WWOX: variants seen among roughly 807,000 people sequenced by gnomAD.
The protein encoded by WWOX is WW domain-containing oxidoreductase.
Under a neutral mutation model 46.2 loss-of-function variants are expected in WWOX, and 69 were observed. The observed-to-expected ratio is 1.49, with a 90% CI of 1.23 to 1.82. WWOX has a LOEUF of 1.82. Among genes scored for constraint, WWOX ranks in the 40% most tolerant of loss-of-function variants. The pLI is 0.00. For synonymous variants in WWOX, 359 were observed against 202.6 expected (o/e 1.77, Z -6.56); for missense variants, 919 against 542.6 (o/e 1.69, Z -6.89).
At chr16:78,910,501 C>A (rs1446011277) in intron 8 of WWOX, among the ~76,000 whole-genome samples, 2 of 79,024 alleles carry the variant, frequency 2.5e-5, no homozygotes, top group East Asian at 4.0e-4. Flanking sequence ...GTATCAGGAT[C>A]TTTTGTTTTT....
At chr16:78,428,873 C>G (rs931488301) in intron 7 of WWOX, among the ~76,000 whole-genome samples, 1 of 152,154 alleles carries the variant, frequency 6.6e-6, no homozygotes, top group South Asian at 2.1e-4. Context: ...AAGCCCTAAA[C>G]ATGAGGAAAT....
intron 8 of WWOX, among the ~76,000 whole-genome samples, chr16:78,702,124 T>TATATATATATATATATATATATATATA (rs777394763): frequency 9.5e-6 from 1 of 105,526 alleles, no homozygotes; most frequent in African/African-American, 4.9e-5. Flanking sequence ...ATATATATAT[T>TATATATATATATATATATATATATATA]TATTTATTTT....
intron 8 of WWOX, among the ~76,000 whole-genome samples, chr16:78,652,394 G>C (rs1024860693): frequency 1.4e-5 from 2 of 140,312 alleles, no homozygotes; most frequent in African/African-American, 5.6e-5. Flanking sequence ...GGGTGACAGA[G>C]CGAGACTCCG....
chr16:78,451,804 A>G (rs1323563826), intron 8 of WWOX, among the ~76,000 whole-genome samples: 2 of 152,216 alleles, frequency 1.3e-5, no homozygotes, highest in Admixed American at 1.3e-4. Flanking sequence ...TGATTATCTG[A>G]TCCCCAAACA....
At chr16:79,098,864 A>G (rs528780603) in intron 8 of WWOX, among the ~76,000 whole-genome samples, 5 of 152,194 alleles carry the variant, frequency 3.3e-5, no homozygotes, top group African/African-American at 1.2e-4. Context: ...TAAAATTTCT[A>G]CTTCTGATAG....
chr16:78,276,958 T>A (rs965434833), intron 5 of WWOX, among the ~76,000 whole-genome samples: 3 of 152,202 alleles, frequency 2.0e-5, no homozygotes, highest in Non-Finnish European at 2.9e-5. Flanking sequence ...TTTTATAACA[T>A]TACATATTCA....
At chr16:78,345,317 G>C (rs1251681432) in intron 5 of WWOX, among the ~76,000 whole-genome samples, 2 of 113,324 alleles carry the variant, frequency 1.8e-5, no homozygotes, top group Non-Finnish European at 4.2e-5. Flanking sequence ...TTGTACCAAC[G>C]TAATAGAATT....
chr16:78,841,129 C>T (rs564116948), intron 8 of WWOX, among the ~76,000 whole-genome samples: 2 of 152,290 alleles, frequency 1.3e-5, no homozygotes, highest in South Asian at 4.1e-4. Context: ...GATCTGACCC[C>T]AGAATTCCCT....
At chr16:78,581,329 G>T (rs914609390) in intron 8 of WWOX, among the ~76,000 whole-genome samples, 6 of 152,144 alleles carry the variant, frequency 3.9e-5, no homozygotes, top group Non-Finnish European at 7.3e-5. Flanking sequence ...GAGAAAATGG[G>T]TTAGCATAAT....
At chr16:78,791,512 T>C (rs2050599587) in intron 8 of WWOX, among the ~76,000 whole-genome samples, 1 of 152,162 alleles carries the variant, frequency 6.6e-6, no homozygotes, top group African/African-American at 2.4e-5. Flanking sequence ...GCCTTTCTCT[T>C]GTGTTCCCCA....
At chr16:78,922,003 C>T (rs943394939) in intron 8 of WWOX, among the ~76,000 whole-genome samples, 1 of 152,208 alleles carries the variant, frequency 6.6e-6, no homozygotes, top group Non-Finnish European at 1.5e-5. Context: ...TTCTATTGTC[C>T]TCTACCCATG....
chr16:78,314,241 C>T (rs2080307735), intron 5 of WWOX, among the ~76,000 whole-genome samples: 2 of 151,540 alleles, frequency 1.3e-5, no homozygotes, highest in Admixed American at 6.6e-5. Flanking sequence ...CCCGTCTCTA[C>T]TAAAAATACA....
At chr16:78,655,222 C>A (rs541228361) in intron 8 of WWOX, among the ~76,000 whole-genome samples, 1 of 152,144 alleles carries the variant, frequency 6.6e-6, no homozygotes, top group African/African-American at 2.4e-5. Flanking sequence ...ATAGTCTGCT[C>A]TCCGTCTCTG....
At chr16:78,466,433 T>A (rs1011915016) in intron 8 of WWOX, among the ~76,000 whole-genome samples, 1 of 152,132 alleles carries the variant, frequency 6.6e-6, no homozygotes, top group African/African-American at 2.4e-5. Flanking sequence ...TTGTACACTT[T>A]GAAATAATTT....
chr16:78,648,013 G>C (rs1281092359), intron 8 of WWOX, among the ~76,000 whole-genome samples: 1 of 151,952 alleles, frequency 6.6e-6, no homozygotes, highest in Non-Finnish European at 1.5e-5. Flanking sequence ...TATTCATTTG[G>C]CTTCTTGAAC....
chr16:78,316,818 A>C (rs186518737), intron 5 of WWOX, among the ~76,000 whole-genome samples: 1 of 152,164 alleles, frequency 6.6e-6, no homozygotes, highest in Non-Finnish European at 1.5e-5. Context: ...GTATTTTTCA[A>C]TGCTGCTTTT....
At chr16:78,569,701 T>G (rs1192177057) in intron 8 of WWOX, among the ~76,000 whole-genome samples, 1 of 152,238 alleles carries the variant, frequency 6.6e-6, no homozygotes, top group East Asian at 1.9e-4. Flanking sequence ...TAGCACTTCC[T>G]GCAATAACGA....
chr16:78,744,109 C>T (rs1339458793), intron 8 of WWOX, among the ~76,000 whole-genome samples: 1 of 152,120 alleles, frequency 6.6e-6, no homozygotes, highest in Non-Finnish European at 1.5e-5. Flanking sequence ...TTGGGGTACA[C>T]CACAGCAGCG....
chr16:78,716,600 G>A (rs1373566243), intron 8 of WWOX, among the ~76,000 whole-genome samples: 1 of 152,052 alleles, frequency 6.6e-6, no homozygotes, highest in Admixed American at 6.6e-5. Context: ...AGTTCGTGTG[G>A]TTCTGTGATA....
Sources: gnomAD v4.1 joint callset for allele counts (sites outside exome capture counted in the v4.1 genomes callset) on GRCh38, gnomAD v4.1.1 for gene constraint, MANE v1.5 for transcripts, NCBI Gene and HGNC (gene_info 2026-07-23, HGNC 2026-07-21) for gene names.